CNTLN: variants seen among roughly 807,000 people sequenced by gnomAD.
CNTLN encodes the protein centlein, also known as centlein, centrosomal protein.
Under a neutral mutation model 180.0 loss-of-function variants are expected in CNTLN, and 212 were observed. The ratio of observed to expected loss-of-function variants is 1.18; its 90% CI spans 1.05 to 1.32. The LOEUF is 1.32. CNTLN is among the 40% of genes most tolerant of loss of function. The pLI is 0.00. For synonymous variants in CNTLN, 722 were observed against 563.1 expected, an observed-to-expected ratio of 1.28 and a Z score of -3.99; for missense variants, 2,095 against 1,610.9, an observed-to-expected ratio of 1.30 and a Z score of -5.14.
chr9:17,461,717 C>G (rs1299845054), intron 19 of CNTLN, among the ~76,000 whole-genome samples: 2 of 151,490 alleles, frequency 1.3e-5, no homozygotes, highest in African/African-American at 2.4e-5. Context: ...AGCTAAATAA[C>G]TACTCCAAAT....
intron 2 of CNTLN, among the ~76,000 whole-genome samples, chr9:17,192,101 G>A (rs1309798849): frequency 6.6e-6 from 1 of 152,114 alleles, no homozygotes; most frequent in African/African-American, 2.4e-5. Flanking sequence ...GTGATTCTAT[G>A]TGTTCATAGT....
rs138098909 is a variant in CNTLN, at chr9:17,295,622, A to C, written c.984-2568A>C. The stretch of plus-strand genomic sequence containing the variant: ...GGGGCCTCCGACCACAGCTGTTTCT[A>C]GTCGGCCATCTTGGCCCGCCCTGTT... On this transcript the variant is annotated intron_variant, in intron 6 of 25. Transcript: ENST00000380647. Among the ~76,000 whole-genome samples, 772 of 152,214 alleles carry C rather than the reference A, an allele frequency of 5.1e-3. 5 individuals carry two copies. The highest frequency in any genetic ancestry group is 0.017 in the African/African-American group (712 of 41,540).
rs566511766 is a variant in CNTLN, at chr9:17,499,423, C to T, written c.4120-3128C>T. ...TTATAAACAAAATCTTTTGGTAATA[C>T]ATTCTAGACTAAGCAGAATTGTTTT... is the stretch of plus-strand genomic sequence containing the variant. On this transcript the variant is annotated intron_variant, in intron 25 of 25. Coordinates refer to ENST00000380647, the MANE Select transcript of CNTLN (RefSeq NM_017738.4). Among the ~76,000 whole-genome samples, 4 of 152,254 alleles carry T rather than the reference C, an allele frequency of 2.6e-5. No homozygotes were observed. The East Asian group carries it at 7.7e-4, about 29-fold the overall frequency.
chr9:17,204,314 G>C (rs1822761325), intron 2 of CNTLN, among the ~76,000 whole-genome samples: 1 of 152,062 alleles, frequency 6.6e-6, no homozygotes, highest in African/African-American at 2.4e-5. Flanking sequence ...TTTGATTTTT[G>C]AGGTTGATGA....
chr9:17,145,995 AGT>A (rs1457024806), intron 2 of CNTLN, among the ~76,000 whole-genome samples: 1 of 152,166 alleles, frequency 6.6e-6, no homozygotes, highest in African/African-American at 2.4e-5. Context: ...TTGAGCATAC[AGT>A]AATGCTACCA....
chr9:17,499,407 A>G (rs1373562378), intron 25 of CNTLN, among the ~76,000 whole-genome samples: 2 of 152,216 alleles, frequency 1.3e-5, no homozygotes, highest in Non-Finnish European at 2.9e-5. Context: ...TTTATAAACA[A>G]AATCTTTTGG....
chr9:17,272,014 C>T (rs1221744314), intron 5 of CNTLN, among the ~76,000 whole-genome samples: 3 of 146,262 alleles, frequency 2.1e-5, no homozygotes, highest in Admixed American at 6.9e-5. Context: ...GATAGTGTCC[C>T]CTCCCTCCCT....
chr9:17,405,221 G>A (rs2584546), intron 15 of CNTLN, among the ~76,000 whole-genome samples: 125,289 of 151,428 alleles, frequency 0.83, 52,426 homozygotes, highest in Non-Finnish European at 0.87. Context: ...AGTGTCATTT[G>A]TTAGTTTTGT....
At chr9:17,313,234 C>T (rs1241909592) in intron 8 of CNTLN, among the ~76,000 whole-genome samples, 1 of 152,022 alleles carries the variant, frequency 6.6e-6, no homozygotes, top group Non-Finnish European at 1.5e-5. Flanking sequence ...TATTCGGATC[C>T]TGTTGTTTAT....
intron 2 of CNTLN, among the ~76,000 whole-genome samples, chr9:17,148,461 C>G (rs1436250987): frequency 6.6e-6 from 1 of 152,146 alleles, no homozygotes; most frequent in South Asian, 2.1e-4. Context: ...ATTGTTGATT[C>G]ATTGACGTCG....
chr9:17,293,487 G>A (rs1328083056), intron 6 of CNTLN, among the ~76,000 whole-genome samples: 1 of 152,202 alleles, frequency 6.6e-6, no homozygotes, highest in East Asian at 1.9e-4. Flanking sequence ...TGAAATTCCT[G>A]CAGGAAGGTC....
intron 8 of CNTLN, among the ~76,000 whole-genome samples, chr9:17,318,778 T>G (rs191890268): frequency 7.1e-4 from 108 of 152,304 alleles, no homozygotes; most frequent in African/African-American, 2.5e-3. Flanking sequence ...TACTTTATCA[T>G]GTCAATACTC....
chr9:17,273,878 C>G lies in CNTLN; in HGVS notation c.983+12C>G. 2.6e-6 allele frequency: 4 copies of G among 1,527,454 alleles called. No individual in the cohort carries two copies. The South Asian group carries it at 5.2e-5, about 20-fold the overall frequency. The allele number at this position is 1,527,454 out of a possible 1,614,324, so 94.6% of individuals were successfully genotyped here. ...ATTACCCTGGTCAGGCAAGTATATTCAATTTTTAATTTAACATCATAGAAA... is the reference window on the plus strand; with the variant it reads ...ATTACCCTGGTCAGGCAAGTATATTGAATTTTTAATTTAACATCATAGAAA... On this transcript the variant is annotated intron_variant, in intron 6 of 25. Transcript: ENST00000380647.
chr9:17,431,941 A>G (rs1192715292), intron 18 of CNTLN, among the ~76,000 whole-genome samples: 2 of 152,220 alleles, frequency 1.3e-5, no homozygotes, highest in African/African-American at 2.4e-5. Flanking sequence ...CTGCATGCTT[A>G]GGGATACTGA....
At chr9:17,305,485 A>G in intron 7 of CNTLN, among the ~76,000 whole-genome samples, 1 of 151,326 alleles carries the variant, frequency 6.6e-6, no homozygotes. Context: ...AGATGAATGA[A>G]TTTATCATAT....
rs972169075 is a variant in CNTLN, at chr9:17,262,268, A to G, written c.850-11465A>G. 2.4e-4 allele frequency among the ~76,000 whole-genome samples: 36 copies of G among 151,658 alleles called. 2 individuals carry two copies. The highest frequency in any genetic ancestry group is 8.1e-4 in the African/African-American group (33 of 40,956). On this transcript the variant is annotated intron_variant, in intron 5 of 25. Transcript: ENST00000380647. ...ATAAATCATTCTACTATAAAGACACATGCACACGTATGTTTATTGCAGCAC... is the reference window on the plus strand; with the variant it reads ...ATAAATCATTCTACTATAAAGACACGTGCACACGTATGTTTATTGCAGCAC...
chr9:17,417,415 T>A (rs1226285968), intron 18 of CNTLN, among the ~76,000 whole-genome samples: 1 of 152,128 alleles, frequency 6.6e-6, no homozygotes, highest in Non-Finnish European at 1.5e-5. Flanking sequence ...TAGGTTTTTT[T>A]TGTGCAAATA....
intron 8 of CNTLN, among the ~76,000 whole-genome samples, chr9:17,323,187 G>A (rs1820034736): frequency 6.6e-6 from 1 of 152,032 alleles, no homozygotes; most frequent in African/African-American, 2.4e-5. Flanking sequence ...CATGTGATGG[G>A]CTTTTATCAA....
At chr9:17,435,224 T>G (rs1829693380) in intron 18 of CNTLN, among the ~76,000 whole-genome samples, 1 of 152,144 alleles carries the variant, frequency 6.6e-6, no homozygotes, top group Admixed American at 6.5e-5. Flanking sequence ...GTGGTTTTGT[T>G]TTTTGGTTGT....
Sources: gnomAD v4.1 joint callset for allele counts (sites outside exome capture counted in the v4.1 genomes callset) on GRCh38, gnomAD v4.1.1 for gene constraint, MANE v1.5 for transcripts, NCBI Gene and HGNC (gene_info 2026-07-23, HGNC 2026-07-21) for gene names.